The following FMN1 variants were observed in gnomAD, a reference collection of about 807,000 sequenced individuals.
The protein encoded by FMN1 is formin 1.
In FMN1, 110 loss-of-function variants were observed where a neutral mutation model predicts 132.4. That is an observed-to-expected ratio of 0.83 (90% CI 0.71 to 0.97). FMN1 has a LOEUF of 0.97. Ranked by LOEUF, FMN1 falls within the 50% of genes least tolerant of loss-of-function variation. FMN1 has a pLI of 0.00. For synonymous variants in FMN1, 722 were observed against 651.7 expected (o/e 1.11, Z -1.64); for missense variants, 1,792 against 1,705.3 (o/e 1.05, Z -0.90).
At chr15:32,812,824 C>T (rs2057929758) in intron 17 of FMN1, among the ~76,000 whole-genome samples, 2 of 152,148 alleles carry the variant, frequency 1.3e-5, no homozygotes, top group Admixed American at 6.5e-5. Flanking sequence ...AGGGTCAGAC[C>T]TTCTACAATA....
chr15:33,019,475 G>A lies in FMN1; in HGVS notation c.2162-11400C>T, dbSNP rs775566392. ...AGGTGGAGCTGCCTGCCAGTCCCAC[G>A]CCGTGCGACTCCTCAGCCCTTGGGC... On this transcript the variant is annotated intron_variant, in intron 6 of 20. Transcript: ENST00000616417. Among the ~76,000 whole-genome samples the A allele has an allele frequency of 4.7e-4, 71 of 152,320 alleles. 1 individual carries two copies. Among genetic ancestry groups the A allele is most frequent in the East Asian group, 1.9e-4 (1 of 5,162 alleles).
chr15:33,029,669 A>G (rs991311762), intron 6 of FMN1, among the ~76,000 whole-genome samples: 1 of 152,124 alleles, frequency 6.6e-6, no homozygotes, highest in Non-Finnish European at 1.5e-5. Context: ...GAAATCAAAG[A>G]TATCACCGAG....
intron 5 of FMN1, among the ~76,000 whole-genome samples, chr15:33,071,434 A>G (rs1479336704): frequency 6.6e-6 from 1 of 152,192 alleles, no homozygotes; most frequent in Non-Finnish European, 1.5e-5. Flanking sequence ...TCTTCATCCA[A>G]TGTCATAAAT....
chr15:33,087,054 AG>A (rs2038723533), intron 5 of FMN1, among the ~76,000 whole-genome samples: 1 of 152,240 alleles, frequency 6.6e-6, no homozygotes, highest in Non-Finnish European at 1.5e-5. Flanking sequence ...GGCTAAAAAA[AG>A]AAAAAGTGCT....
At chr15:32,807,428 A>C (rs939486025) in intron 17 of FMN1, among the ~76,000 whole-genome samples, 2 of 152,186 alleles carry the variant, frequency 1.3e-5, no homozygotes, top group African/African-American at 2.4e-5. Context: ...TAGGTTATCA[A>C]GTTCCCCAAA....
chr15:32,889,793 G>C (rs1372136452), intron 15 of FMN1, among the ~76,000 whole-genome samples: 1 of 152,110 alleles, frequency 6.6e-6, no homozygotes, highest in Non-Finnish European at 1.5e-5. Flanking sequence ...TTTCCCATAA[G>C]TTATTGGGGT....
At chr15:32,978,102 C>G (rs1223350703) in intron 7 of FMN1, among the ~76,000 whole-genome samples, 1 of 152,092 alleles carries the variant, frequency 6.6e-6, no homozygotes, top group Non-Finnish European at 1.5e-5. Context: ...TGATCCCCTG[C>G]CTCAGCCTCC....
chr15:33,098,722 G>C (rs1235770472), intron 4 of FMN1, among the ~76,000 whole-genome samples: 1 of 152,150 alleles, frequency 6.6e-6, no homozygotes, highest in African/African-American at 2.4e-5. Flanking sequence ...TTGTGTCACT[G>C]CATACCTGCT....
In FMN1 at chr15:32,765,593, G is replaced by A. The variant is rs1208262703; in HGVS notation, c.*8717C>T. On this transcript the variant is annotated 3_prime_UTR_variant, in exon 21 of 21. Coordinates refer to ENST00000616417, the MANE Select transcript of FMN1 (RefSeq NM_001277313.2). ...AAATACCCTTAGCATATTTACAATTGAAAGCCATGAATGCAATTCTCTGTA... is the reference window on the plus strand; with the variant it reads ...AAATACCCTTAGCATATTTACAATTAAAAGCCATGAATGCAATTCTCTGTA... 6.6e-6 allele frequency: 1 copy of A among 151,210 alleles called. No individual in the cohort carries two copies. The highest frequency in any genetic ancestry group is 2.1e-4 in the South Asian group (1 of 4,746). The allele number at this position is 151,210 out of a possible 1,614,324, so 9.4% of individuals were successfully genotyped here.
intron 6 of FMN1, among the ~76,000 whole-genome samples, chr15:33,036,962 G>A (rs1206414300): frequency 6.6e-6 from 1 of 152,186 alleles, no homozygotes; most frequent in Non-Finnish European, 1.5e-5. Flanking sequence ...TAGAATTTAG[G>A]AGACAAAGGA....
At chr15:32,828,912 TATA>T (rs1319898335) in intron 17 of FMN1, among the ~76,000 whole-genome samples, 1 of 152,158 alleles carries the variant, frequency 6.6e-6, no homozygotes, top group Non-Finnish European at 1.5e-5. Context: ...GTAGGTAAAA[TATA>T]ATATTTCCTG....
At chr15:33,002,119 A>G (rs1178085565) in intron 7 of FMN1, among the ~76,000 whole-genome samples, 1 of 152,232 alleles carries the variant, frequency 6.6e-6, no homozygotes, top group Non-Finnish European at 1.5e-5. Flanking sequence ...CTATGAAAAC[A>G]TTCCAAAAAG....
intron 19 of FMN1, among the ~76,000 whole-genome samples, chr15:32,790,437 A>G (rs2057035591): frequency 6.6e-6 from 1 of 152,218 alleles, no homozygotes; most frequent in Non-Finnish European, 1.5e-5. Flanking sequence ...AAGCCAAGGC[A>G]TTTATTAAGG....
At chr15:32,924,304 ATGCTCTGTGAT>A (rs2060903863) in intron 10 of FMN1, among the ~76,000 whole-genome samples, 1 of 152,242 alleles carries the variant, frequency 6.6e-6, no homozygotes, top group Non-Finnish European at 1.5e-5. Context: ...GCTTATCTGA[ATGCTCTGTGAT>A]TATCATTTAA....
intron 4 of FMN1, among the ~76,000 whole-genome samples, chr15:33,090,659 TC>T (rs2038870910): frequency 6.6e-6 from 1 of 152,086 alleles, no homozygotes; most frequent in African/African-American, 2.4e-5. Flanking sequence ...TTCCACTCAA[TC>T]CCCTTGCTAC....
intron 4 of FMN1, among the ~76,000 whole-genome samples, chr15:33,089,931 C>T (rs2038846134): frequency 6.6e-6 from 1 of 152,172 alleles, no homozygotes; most frequent in African/African-American, 2.4e-5. Flanking sequence ...ATATTAAAGA[C>T]CTTGGGATGC....
At chr15:32,963,977 C>T (rs1212960844) in intron 9 of FMN1, 130 bp downstream of exon 9, 5 of 502,776 alleles carry the variant, frequency 9.9e-6, no homozygotes, top group Non-Finnish European at 1.7e-5. Context: ...ATGATACACA[C>T]ACATATATGT....
intron 17 of FMN1, among the ~76,000 whole-genome samples, chr15:32,848,977 G>GTTTTTTTTTTTTTTTTTT (rs71113479): frequency 8.9e-5 from 8 of 89,576 alleles, no homozygotes; most frequent in Non-Finnish European, 1.4e-4. Flanking sequence ...GTTCTCTTTT[G>GTTTTTTTTTTTTTTTTTT]TTTTTTTTTT....
Position 32,891,566 on chromosome 15 carries a change from G to A in FMN1, c.3715-3274C>T, listed in dbSNP as rs115874150. Among the ~76,000 whole-genome samples the A allele has an allele frequency of 6.2e-3, 944 of 151,992 alleles. 6 individuals are homozygous for A. The highest frequency in any genetic ancestry group is 0.022 in the African/African-American group (900 of 41,492). On this transcript the variant is annotated intron_variant, in intron 15 of 20. Coordinates refer to ENST00000616417, the MANE Select transcript of FMN1 (RefSeq NM_001277313.2). ...GTTTTTTTCTAATTCTGTTAAGAAT[G>A]ATGGTGGTATTTTGATGGAGACTGC...
Sources: allele counts gnomAD v4.1 joint callset (sites outside exome capture counted in the v4.1 genomes callset), GRCh38; gene constraint gnomAD v4.1.1; transcripts MANE v1.5; gene names NCBI Gene and HGNC (gene_info 2026-07-23, HGNC 2026-07-21).